The following MYO1D variants were observed in gnomAD, a reference collection of about 807,000 sequenced individuals.
MYO1D encodes the protein myosin ID.
A neutral mutation model predicts 122.0 loss-of-function variants in MYO1D; 83 were observed. The ratio of observed to expected loss-of-function variants is 0.68; its 90% confidence interval spans 0.57 to 0.82. The LOEUF is 0.82. MYO1D is among the 40% of genes least tolerant of loss of function. MYO1D has a pLI of 0.00. For missense variants in MYO1D, 1,157 were observed against 1,269.5 expected (o/e 0.91, Z 1.35); for synonymous variants, 464 against 446.9 (o/e 1.04, Z -0.48).
At chr17:32,575,846 G>A (rs948577606) in intron 21 of MYO1D, among the ~76,000 whole-genome samples, 4 of 152,140 alleles carry the variant, frequency 2.6e-5, no homozygotes, top group Non-Finnish European at 1.5e-5. Flanking sequence ...TCAACCTGCC[G>A]GGGATAGCAT....
At chr17:32,531,725 G>A (rs574834180) in intron 21 of MYO1D, among the ~76,000 whole-genome samples, 29 of 141,076 alleles carry the variant, frequency 2.1e-4, no homozygotes, top group Admixed American at 1.2e-3. Context: ...GATGGATAGC[G>A]GAGAAGCATT....
chr17:32,692,174 A>G (rs894817402), intron 16 of MYO1D, among the ~76,000 whole-genome samples: 19 of 152,248 alleles, frequency 1.2e-4, no homozygotes, highest in African/African-American at 4.6e-4. Flanking sequence ...AACATGTTGA[A>G]TATTTCATAA....
chr17:32,775,583 G>C (rs963766163), intron 4 of MYO1D, among the ~76,000 whole-genome samples: 7 of 152,064 alleles, frequency 4.6e-5, no homozygotes, highest in Non-Finnish European at 8.8e-5. Context: ...ATTGACTTTC[G>C]GTTAAACCTT....
At chr17:32,850,944 G>A (rs1193975952) in intron 1 of MYO1D, among the ~76,000 whole-genome samples, 1 of 149,706 alleles carries the variant, frequency 6.7e-6, no homozygotes, top group Non-Finnish European at 1.5e-5. Context: ...TTTTTCAGAT[G>A]ACCAACTGTT....
chr17:32,690,243 C>T (rs1283423865), intron 16 of MYO1D, among the ~76,000 whole-genome samples: 1 of 147,704 alleles, frequency 6.8e-6, no homozygotes, highest in Non-Finnish European at 1.5e-5. Flanking sequence ...AGTGCAGTGG[C>T]GCGATCTTGG....
chr17:32,647,294 T>C (rs2088308350), intron 19 of MYO1D, among the ~76,000 whole-genome samples: 1 of 152,248 alleles, frequency 6.6e-6, no homozygotes, highest in Admixed American at 6.5e-5. Flanking sequence ...TTTACTGAAA[T>C]CCTATCAAGT....
At chr17:32,524,004 C>T (rs1910250575) in intron 21 of MYO1D, among the ~76,000 whole-genome samples, 1 of 152,204 alleles carries the variant, frequency 6.6e-6, no homozygotes, top group Non-Finnish European at 1.5e-5. Context: ...AAAGAGTTCT[C>T]TCAGCACAGT....
At chr17:32,821,692 A>G (rs1245075470) in intron 1 of MYO1D, among the ~76,000 whole-genome samples, 1 of 152,148 alleles carries the variant, frequency 6.6e-6, no homozygotes, top group Non-Finnish European at 1.5e-5. Context: ...GACTGGGGGG[A>G]AAAGTTTTTT....
At chr17:32,508,262 A>G (rs1309182673) in intron 21 of MYO1D, among the ~76,000 whole-genome samples, 1 of 151,106 alleles carries the variant, frequency 6.6e-6, no homozygotes, top group Non-Finnish European at 1.5e-5. Context: ...CTGTTGTTCA[A>G]GCCACCCAGT....
At chr17:32,552,411 TC>T (rs2087024241) in intron 21 of MYO1D, among the ~76,000 whole-genome samples, 1 of 145,402 alleles carries the variant, frequency 6.9e-6, no homozygotes, top group African/African-American at 2.5e-5. Flanking sequence ...AATCCATCCA[TC>T]CATCCACCCA....
chr17:32,538,985 T>A (rs899521234), intron 21 of MYO1D, among the ~76,000 whole-genome samples: 27 of 151,968 alleles, frequency 1.8e-4, no homozygotes, highest in African/African-American at 6.3e-4. Flanking sequence ...AGAGTCAGGA[T>A]AAATAGCTAA....
At chr17:32,522,879 C>T (rs190479069) in intron 21 of MYO1D, among the ~76,000 whole-genome samples, 1,951 of 150,032 alleles carry the variant, frequency 0.013, 95 homozygotes, top group Admixed American at 0.1. Flanking sequence ...TGCAGTGGTG[C>T]GATCTCGGCT....
At chr17:32,736,074 T>C (rs571804327) in intron 14 of MYO1D, among the ~76,000 whole-genome samples, 27 of 152,022 alleles carry the variant, frequency 1.8e-4, no homozygotes, top group Admixed American at 1.6e-3. Context: ...TTTTTTTTTT[T>C]CTGCTGTCCT....
intron 21 of MYO1D, among the ~76,000 whole-genome samples, chr17:32,569,920 C>A (rs2087207144): frequency 1.3e-5 from 2 of 152,140 alleles, no homozygotes; most frequent in Admixed American, 1.3e-4. Flanking sequence ...AGCTGCTTCC[C>A]ACAGTCTCTG....
At position 32,608,135 on chromosome 17, in the gene MYO1D, A is replaced by G. The variant is rs118102577; in HGVS notation, c.2710-2894T>C. Among the ~76,000 whole-genome samples, 199 of 152,318 alleles carry G rather than the reference A, an allele frequency of 1.3e-3. 1 individual carries two copies. The East Asian group carries it at 0.025, about 19-fold the overall frequency. The stretch of plus-strand genomic sequence containing the variant: ...ATCCATAAAGCAAAAAAATTGATAA[A>G]TTGAACTTGATCAAATTTAAAACTT... On this transcript the variant is annotated intron_variant, in intron 20 of 21. Coordinates refer to ENST00000318217, the MANE Select transcript of MYO1D (RefSeq NM_015194.3).
intron 11 of MYO1D, among the ~76,000 whole-genome samples, chr17:32,749,313 C>T (rs2089873732): frequency 6.6e-6 from 1 of 152,192 alleles, no homozygotes; most frequent in African/African-American, 2.4e-5. Flanking sequence ...CCCCTCTGTG[C>T]TTTCTTCTCT....
chr17:32,872,790 G>A (rs1339327124), intron 1 of MYO1D, among the ~76,000 whole-genome samples: 1 of 146,732 alleles, frequency 6.8e-6, no homozygotes, highest in Non-Finnish European at 1.5e-5. Context: ...TCCGCTTCCC[G>A]GGTTCACGCC....
chr17:32,532,407 G>A (rs976463466), intron 21 of MYO1D, among the ~76,000 whole-genome samples: 1 of 151,586 alleles, frequency 6.6e-6, no homozygotes, highest in Non-Finnish European at 1.5e-5. Flanking sequence ...CCTTAAAAGA[G>A]GTGCCCTTAG....
chr17:32,810,514 A>G (rs1055421492), intron 1 of MYO1D, among the ~76,000 whole-genome samples: 13 of 146,414 alleles, frequency 8.9e-5, no homozygotes, highest in Non-Finnish European at 1.8e-4. Context: ...GTCTCGCTCT[A>G]TTGCCCAGGC....
Sources: gnomAD v4.1 joint callset for allele counts (sites outside exome capture counted in the v4.1 genomes callset) on GRCh38, gnomAD v4.1.1 for gene constraint, MANE v1.5 for transcripts, NCBI Gene and HGNC (gene_info 2026-07-23, HGNC 2026-07-21) for gene names.